Variants in HERC5 observed in about 807,000 individuals in gnomAD.
HERC5 encodes HECT and RLD domain containing E3 ubiquitin protein ligase 5, also known as E3 ISG15--protein ligase HERC5.
A neutral mutation model predicts 119.6 loss-of-function variants in HERC5; 99 were observed. That is an observed-to-expected ratio of 0.83 (90% CI 0.70 to 0.98). The LOEUF (loss-of-function observed/expected upper bound fraction) is 0.98. Among genes scored for constraint, HERC5 ranks in the 50% least tolerant of loss-of-function variants. The probability of loss-of-function intolerance (pLI) is 0.00; values close to 1 mark genes in which losing one functional copy is unlikely to be tolerated. For missense variants in HERC5, 1,267 were observed against 1,241.3 expected (o/e 1.02, Z -0.31); for synonymous variants, 478 against 445.9 (o/e 1.07, Z -0.91).
At chr4:88,480,114 G>A (rs926239184) in intron 13 of HERC5, among the ~76,000 whole-genome samples, 1 of 150,626 alleles carries the variant, frequency 6.6e-6, no homozygotes, top group Non-Finnish European at 1.5e-5. Flanking sequence ...TAGAAATACC[G>A]TGTACCCCTC....
chr4:88,485,333 G>A (rs1200087514), intron 13 of HERC5, among the ~76,000 whole-genome samples: 2 of 152,184 alleles, frequency 1.3e-5, no homozygotes, highest in Admixed American at 6.5e-5. Flanking sequence ...TGACTCTGGA[G>A]ATCTTAAGGC....
intron 15 of HERC5, 62 bp downstream of exon 15, chr4:88,487,241 C>A: frequency 2.1e-6 from 2 of 934,496 alleles, no homozygotes; most frequent in Non-Finnish European, 3.4e-6. Context: ...CTTAATCATG[C>A]AGTATTTTGG....
Position 88,489,299 on chromosome 4 carries a change from G to C in HERC5, c.2096G>C (p.Ser699Thr), listed in dbSNP as rs112890151. The change falls in exon 16 of 23, where the codon AGT becomes ACT. Residue 699 changes from serine to threonine, a missense_variant. Around this residue, in one of 3 missense-constraint regions of HERC5, gnomAD observed 473 missense variants for 445.7 expected, o/e 1.06. Transcript: ENST00000264350. ...HLIEDVLNQL[S>T]QFENEDLRKE... ...ATTGAGGATGTTTTGAATCAGCTAA[G>C]TCAATTTGAGAATGAAGACCTGAGG... is the stretch of plus-strand genomic sequence containing the variant. The C allele has an allele frequency of 6.2e-7, 1 of 1,613,698 alleles. No homozygotes were observed. Among genetic ancestry groups the C allele is most frequent in the Non-Finnish European group, 8.5e-7 (1 of 1,179,844 alleles).
Position 88,504,351 on chromosome 4 carries a change from A to G in HERC5, c.2702A>G (p.His901Arg). The G allele has an allele frequency of 6.2e-7, 1 of 1,612,534 alleles. No homozygotes were observed. Among genetic ancestry groups the G allele is most frequent in the South Asian group, 1.1e-5 (1 of 90,812 alleles). ...GACGAAGACATTATCAAATTATTCCACCCCGAAGAACTGAAGGATGTGATT... is the reference window on the plus strand; with the variant it reads ...GACGAAGACATTATCAAATTATTCCGCCCCGAAGAACTGAAGGATGTGATT... ...MCDEDIIKLF[H>R]PEELKDVIVG... Residue 901 changes from histidine to arginine, a missense_variant, in exon 21 of 23, where the codon CAC becomes CGC. Coordinates refer to ENST00000264350, the MANE Select transcript of HERC5 (RefSeq NM_016323.4).
intron 10 of HERC5, 106 bp downstream of exon 10, chr4:88,470,779 A>T: frequency 4.0e-6 from 2 of 505,262 alleles, no homozygotes; most frequent in Non-Finnish European, 7.0e-6. Flanking sequence ...ATCCCTTTTT[A>T]AAAATTTTTT....
intron 3 of HERC5, among the ~76,000 whole-genome samples, chr4:88,461,415 A>G (rs1740439564): frequency 6.6e-6 from 1 of 152,242 alleles, no homozygotes; most frequent in South Asian, 2.1e-4. Context: ...GCAAGAAAAG[A>G]AACTGGTCAT....
Position 88,487,120 on chromosome 4 carries a change from A to G in HERC5, c.1903A>G (p.Ile635Val). Residue 635 changes from isoleucine (I) to valine (V), a missense_variant, in exon 15 of 23, where the codon ATC becomes GTC. Ile to Val is a conservative substitution (Grantham distance 29, BLOSUM62 3). Transcript: ENST00000264350. ...CCVIFSHFPF[I>V]FNNLSKIKLL... ...CGTCATATTCAGTCACTTTCCATTT[A>G]TCTTTAATAATCTGTCGAAAATTAA... 3 of 1,611,822 alleles carry G rather than the reference A, an allele frequency of 1.9e-6. No homozygotes were observed. The highest frequency in any genetic ancestry group is 2.5e-6 in the Non-Finnish European group (3 of 1,178,586).
chr4:88,468,457 T>C, intron 8 of HERC5, 35 bp downstream of exon 8: 2 of 1,404,870 alleles, frequency 1.4e-6, no homozygotes, highest in Non-Finnish European at 2.0e-6. Flanking sequence ...TATAACCTGG[T>C]ATTTTAAGCA....
At chr4:88,461,884 T>G (rs781307300) in intron 3 of HERC5, among the ~76,000 whole-genome samples, 3 of 152,206 alleles carry the variant, frequency 2.0e-5, no homozygotes, top group Non-Finnish European at 2.9e-5. Flanking sequence ...ATCAAATTTA[T>G]TATGTTGAAG....
intron 6 of HERC5, among the ~76,000 whole-genome samples, chr4:88,465,303 A>G (rs991589139): frequency 2.0e-5 from 3 of 152,138 alleles, no homozygotes; most frequent in Admixed American, 6.5e-5. Flanking sequence ...TTTCCCCCAT[A>G]TACACTTATT....
At position 88,501,005 on chromosome 4, in the gene HERC5, T is replaced by G; in HGVS notation, c.2582+20T>G. On this transcript the variant is annotated intron_variant, in intron 20 of 22. Coordinates refer to ENST00000264350, the MANE Select transcript of HERC5 (RefSeq NM_016323.4). ...TAACAAGTAGGTACAAAAAATGAAA[T>G]AGTTGGTTTGTATATGTACTATTTT... 6.4e-7 allele frequency: 1 copy of G among 1,562,816 alleles called. No individual in the cohort carries two copies. The highest frequency in any genetic ancestry group is 8.8e-7 in the Non-Finnish European group (1 of 1,138,884).
At chr4:88,459,901 A>T (rs561523517) in intron 2 of HERC5, among the ~76,000 whole-genome samples, 194 bp from the exon 3 acceptor site, 1 of 152,300 alleles carries the variant, frequency 6.6e-6, no homozygotes, top group South Asian at 2.1e-4. Flanking sequence ...ATTTTATTAT[A>T]ATTATGTAAT....
rs757683006 is a variant in HERC5 at position 88,486,265 on chromosome 4, CA to C, written c.1851+38del. 1.8e-5 allele frequency: 22 copies of C among 1,245,766 alleles called. No individual in the cohort carries two copies. In the South Asian group the frequency reaches 2.9e-4, roughly 16 times the overall value. The allele number at this position is 1,245,766 out of a possible 1,614,324, so 77.2% of individuals were successfully genotyped here. On this transcript the variant is annotated intron_variant, in intron 14 of 22. Coordinates refer to ENST00000264350, the MANE Select transcript of HERC5 (RefSeq NM_016323.4). ...ATGTTTAAAGGGGGAAATTGATAAT[CA>C]GTGAGTTAATACAGGCATTTCTTGT...
chr4:88,462,226 G>A lies in HERC5; in HGVS notation c.558G>A (p.Glu186=), dbSNP rs1224923934. ...FPSTTTPQIV[E]HLAGVPLAQI... is the part of the protein sequence containing the mutation. The stretch of plus-strand genomic sequence containing the variant: ...CAACCACCACACCACAGATTGTGGA[G>A]CACCTCGCAGGAGTACCCTTGGCTC... Residue 186 remains glutamate (E), a synonymous_variant, in exon 4 of 23, where the codon GAG becomes GAA. Transcript: ENST00000264350. 1 of 1,614,212 alleles carries A rather than the reference G, an allele frequency of 6.2e-7. No individual in the cohort carries two copies.
rs772316595 is a variant in HERC5 at position 88,482,010 on chromosome 4, A to G, written c.1737+2503A>G. On this transcript the variant is annotated intron_variant, in intron 13 of 22. Transcript: ENST00000264350. Reference sequence around the variant, plus strand: ...AATCTCAGTCTTCTTAAAATTCTACATTGAAAAATGGTGGCTTGCTGGGTG... The same window carrying G: ...AATCTCAGTCTTCTTAAAATTCTACGTTGAAAAATGGTGGCTTGCTGGGTG... 1.4e-4 allele frequency among the ~76,000 whole-genome samples: 21 copies of G among 152,226 alleles called. No homozygotes were observed. The South Asian group carries it at 1.7e-3, about 12-fold the overall frequency.
At position 88,493,139 on chromosome 4, in the gene HERC5, T is replaced by C; in HGVS notation, c.2261T>C (p.Met754Thr). 1.2e-6 allele frequency: 2 copies of C among 1,613,860 alleles called. No individual in the cohort carries two copies. Among genetic ancestry groups the C allele is most frequent in the Non-Finnish European group, 1.7e-6 (2 of 1,179,848 alleles). The change falls in exon 17 of 23, where the codon ATG becomes ACG. Residue 754 changes from methionine (M) to threonine (T), a missense_variant. By Grantham distance (81) the Met-to-Thr change is moderately conservative (BLOSUM62 -1). Around this residue, in one of 3 missense-constraint regions of HERC5, gnomAD observed 473 missense variants for 445.7 expected, o/e 1.06. Coordinates refer to ENST00000264350, the MANE Select transcript of HERC5 (RefSeq NM_016323.4). ...MFMYPEGASC[M>T]WFPVKPKFEK... is the part of the protein sequence containing the mutation. Reference sequence around the variant, plus strand: ...ATGTATCCTGAAGGGGCTTCCTGCATGTGGTTTCCTGTCAAGGTAAGTTCC... The same window carrying C: ...ATGTATCCTGAAGGGGCTTCCTGCACGTGGTTTCCTGTCAAGGTAAGTTCC...
Position 88,469,278 on chromosome 4 carries a change from ACT to A in HERC5, c.1238+23_1238+24del, listed in dbSNP as rs754227812. 16 of 1,508,370 alleles carry A rather than the reference ACT, an allele frequency of 1.1e-5. No individual in the cohort carries two copies. The highest frequency in any genetic ancestry group is 1.4e-5 in the Non-Finnish European group (15 of 1,084,426). 93.4% of individuals were successfully genotyped at this position (1,508,370 alleles called of 1,614,324 possible). On this transcript the variant is annotated intron_variant, in intron 9 of 22. Coordinates refer to ENST00000264350, the MANE Select transcript of HERC5 (RefSeq NM_016323.4). Reference sequence around the variant, plus strand: ...ACAAAAAGGTACACCCCACAGTCTGACTCTCTGCTTATATATCACTCTCAAGT... The same window carrying A: ...ACAAAAAGGTACACCCCACAGTCTGACTCTGCTTATATATCACTCTCAAGT...
In HERC5 at chr4:88,457,392, C is replaced by T; in HGVS notation, c.123C>T (p.Gly41=). Residue 41 remains glycine, a synonymous_variant, in exon 1 of 23, where the codon GGC becomes GGT. Coordinates refer to ENST00000264350, the MANE Select transcript of HERC5 (RefSeq NM_016323.4). The stretch of plus-strand genomic sequence containing the variant: ...TCTGGCTCTTTCCCAGCGCCGCGGG[C>T]CTCCACCGCGCGCTGCTCCGGAGGG... ...AQLWLFPSAA[G]LHRALLRRVE... 1 of 1,400,870 alleles carries T rather than the reference C, an allele frequency of 7.1e-7. No homozygotes were observed. The highest frequency in any genetic ancestry group is 9.3e-7 in the Non-Finnish European group (1 of 1,079,098). 86.8% of individuals were successfully genotyped at this position (1,400,870 alleles called of 1,614,324 possible).
intron 5 of HERC5, 46 bp downstream of exon 5, chr4:88,463,669 G>C: frequency 1.3e-6 from 2 of 1,524,964 alleles, no homozygotes; most frequent in Non-Finnish European, 1.8e-6. Context: ...TAGAAGAACA[G>C]TTTGTATGGG....
Sources: gnomAD v4.1 joint callset for allele counts (sites outside exome capture counted in the v4.1 genomes callset) on GRCh38, gnomAD v4.1.1 for gene constraint, gnomAD v4.1.1 regional missense constraint, MANE v1.5 for transcripts, NCBI Gene and HGNC (gene_info 2026-07-23, HGNC 2026-07-21) for gene names.